Variants in LRIF1 observed in about 807,000 individuals in gnomAD.
LRIF1 encodes the protein ligand-dependent nuclear receptor-interacting factor 1.
In LRIF1, 32 loss-of-function variants were observed where a neutral mutation model predicts 52.7. The observed-to-expected ratio is 0.61, with a 90% CI of 0.46 to 0.82. LRIF1 has a LOEUF of 0.82. Among genes scored for constraint, LRIF1 ranks in the 40% least tolerant of loss-of-function variants. The pLI, the probability that LRIF1 is intolerant of heterozygous loss-of-function variation, is 0.00. For synonymous variants in LRIF1, 323 were observed against 317.4 expected, an observed-to-expected ratio of 1.02 and a Z score of -0.19; for missense variants, 887 against 892.0, an observed-to-expected ratio of 0.99 and a Z score of 0.07.
the LRIF1 span, among the ~76,000 whole-genome samples, chr1:110,934,368 G>A: frequency 3.3e-5 from 5 of 152,172 alleles, no homozygotes; most frequent in South Asian, 4.1e-4. Flanking sequence ...GGCAACAGGC[G>A]GATCAAGAAC....
chr1:110,893,636 C>T, the LRIF1 span, among the ~76,000 whole-genome samples: 3 of 152,198 alleles, frequency 2.0e-5, no homozygotes, highest in African/African-American at 7.2e-5. Flanking sequence ...TGGGTCAACT[C>T]TTAAACTGGA....
intron 1 of LRIF1, among the ~76,000 whole-genome samples, chr1:110,956,112 GTA>G (rs1658688297): frequency 6.6e-6 from 1 of 152,182 alleles, no homozygotes; most frequent in African/African-American, 2.4e-5. Flanking sequence ...TCTGCTAAAA[GTA>G]AGAGCAAAAA....
the LRIF1 span, chr1:110,892,627 GA>G: frequency 3.9e-6 from 4 of 1,022,144 alleles, no homozygotes; most frequent in Non-Finnish European, 5.9e-6. Context: ...TATAGGCACA[GA>G]AAGATCATAG....
chr1:110,948,707 G>GT (rs879757813), intron 3 of LRIF1, among the ~76,000 whole-genome samples: 1 of 152,056 alleles, frequency 6.6e-6, no homozygotes. Flanking sequence ...AAAATTGATT[G>GT]TTTTTTTCTT....
chr1:110,886,792 C>T, the LRIF1 span, among the ~76,000 whole-genome samples: 14 of 149,170 alleles, frequency 9.4e-5, no homozygotes, highest in African/African-American at 3.4e-4. Flanking sequence ...CTGCCGTGAG[C>T]CAAGATCACG....
chr1:110,928,396 G>C, the LRIF1 span, among the ~76,000 whole-genome samples: 14,062 of 151,992 alleles, frequency 0.093, 755 homozygotes, highest in African/African-American at 0.15. Context: ...CTTCTTCCTG[G>C]TCTTAAAACT....
chr1:110,894,248 C>T, the LRIF1 span: 6 of 1,265,876 alleles, frequency 4.7e-6, no homozygotes, highest in East Asian at 1.4e-4. Flanking sequence ...TGCAAATGCC[C>T]CTGGATGCTC....
intron 1 of LRIF1, among the ~76,000 whole-genome samples, chr1:110,959,736 C>CAA (rs11320169): frequency 0.01 from 554 of 55,356 alleles, 11 homozygotes; most frequent in African/African-American, 0.029. Flanking sequence ...GACTCCATCT[C>CAA]AAAAAAAAAA....
At chr1:110,937,584 C>T in the LRIF1 span, 2 of 151,942 alleles carry the variant, frequency 1.3e-5, no homozygotes, top group African/African-American at 4.8e-5. Context: ...AAAGGCAGTA[C>T]TAAGAGTGAA....
the LRIF1 span, among the ~76,000 whole-genome samples, chr1:110,889,050 G>A: frequency 6.6e-6 from 1 of 152,118 alleles, no homozygotes; most frequent in East Asian, 1.9e-4. Context: ...AAGGGCAACA[G>A]GAAGGATTCT....
At chr1:110,937,268 A>G in the LRIF1 span, 3 of 152,128 alleles carry the variant, frequency 2.0e-5, no homozygotes, top group Non-Finnish European at 4.4e-5. Flanking sequence ...CCTCGGCTGC[A>G]GAATACACAT....
At chr1:110,910,771 T>G in the LRIF1 span, among the ~76,000 whole-genome samples, 1 of 152,062 alleles carries the variant, frequency 6.6e-6, no homozygotes, top group Non-Finnish European at 1.5e-5. Context: ...AGAATCAAAT[T>G]AAGGCAAAAA....
the LRIF1 span, among the ~76,000 whole-genome samples, chr1:110,922,487 TA>T: frequency 2.6e-5 from 4 of 152,150 alleles, no homozygotes; most frequent in East Asian, 5.8e-4. Flanking sequence ...GATATTCTGT[TA>T]TAGCAGCACA....
chr1:110,944,548 G>A (rs1321799385), downstream of LRIF1: 1 of 152,178 alleles, frequency 6.6e-6, no homozygotes, highest in Non-Finnish European at 1.5e-5. Flanking sequence ...GAGTCCTCAG[G>A]TGTTTTAATG....
downstream of LRIF1, chr1:110,944,898 T>G (rs1461016940): frequency 1.4e-5 from 2 of 140,712 alleles, no homozygotes; most frequent in African/African-American, 5.2e-5. Context: ...AGGTTGCTGT[T>G]TTTTTTTTTT....
chr1:110,915,881 T>C, the LRIF1 span, among the ~76,000 whole-genome samples: 1 of 152,236 alleles, frequency 6.6e-6, no homozygotes, highest in Non-Finnish European at 1.5e-5. Flanking sequence ...AAGCAACAGA[T>C]TGTCAACTGT....
the LRIF1 span, chr1:110,891,617 A>G: frequency 4.5e-6 from 3 of 672,094 alleles, no homozygotes; most frequent in South Asian, 5.2e-5. Flanking sequence ...CAAAAGAGTA[A>G]TAATTTTTCC....
chr1:110,880,576 C>CTT, the LRIF1 span, among the ~76,000 whole-genome samples: 1 of 152,084 alleles, frequency 6.6e-6, no homozygotes, highest in Non-Finnish European at 1.5e-5. Context: ...GGCTCAATTC[C>CTT]TTTCTGTTAC....
chr1:110,897,846 A>G, the LRIF1 span: 1 of 1,612,652 alleles, frequency 6.2e-7, no homozygotes, highest in Non-Finnish European at 8.5e-7. Context: ...TTTCATTCCA[A>G]TTTCCTGTAT....
Sources: gnomAD v4.1 joint callset for allele counts (sites outside exome capture counted in the v4.1 genomes callset) on GRCh38, gnomAD v4.1.1 for gene constraint, MANE v1.5 for transcripts, NCBI Gene and HGNC (gene_info 2026-07-23, HGNC 2026-07-21) for gene names.